CTNNA2: variants seen among roughly 807,000 people sequenced by gnomAD.
CTNNA2 encodes catenin alpha 2, also known as catenin alpha-2.
In CTNNA2, 42 loss-of-function variants were observed where a neutral mutation model predicts 101.0. The ratio of observed to expected loss-of-function variants is 0.42; its 90% CI spans 0.32 to 0.54. CTNNA2 has a LOEUF of 0.54. CTNNA2 is among the 20% of genes least tolerant of loss of function. The pLI is 0.14. For synonymous variants in CTNNA2, 450 were observed against 456.4 expected, an observed-to-expected ratio of 0.99 and a Z score of 0.18; for missense variants, 871 against 1,223.1, an observed-to-expected ratio of 0.71 and a Z score of 4.29.
chr2:79,349,295 CTTATA>C (rs1677330948), intron 3 of CTNNA2, among the ~76,000 whole-genome samples: 1 of 152,138 alleles, frequency 6.6e-6, no homozygotes, highest in African/African-American at 2.4e-5. Flanking sequence ...TTAGGTATCT[CTTATA>C]TTAAGGTTAT....
chr2:80,443,190 G>A (rs1682745389), intron 9 of CTNNA2, among the ~76,000 whole-genome samples: 1 of 152,160 alleles, frequency 6.6e-6, no homozygotes, highest in South Asian at 2.1e-4. Flanking sequence ...ACTCAGGGAA[G>A]CATCGCTTGC....
rs1234594898 is a variant in CTNNA2 at position 79,651,698 on chromosome 2, T to C, written c.102+40T>C. ...GAAACCACTTTGTTATATATGTGTT[T>C]CTATTGTGATTATATCCTGACTCTT... On this transcript the variant is annotated intron_variant, in intron 2 of 18. Transcript: ENST00000402739. 3 of 1,531,596 alleles carry C rather than the reference T, an allele frequency of 2.0e-6. No homozygotes were observed. In the South Asian group the frequency reaches 3.4e-5, roughly 17 times the overall value. The allele number at this position is 1,531,596 out of a possible 1,614,324, so 94.9% of individuals were successfully genotyped here. A position where few individuals can be genotyped will look rare whatever the true frequency, so the allele number is the denominator to read the frequency against.
chr2:79,498,459 A>G (rs545410191), intron 4 of CTNNA2, among the ~76,000 whole-genome samples: 3 of 152,306 alleles, frequency 2.0e-5, no homozygotes, highest in Non-Finnish European at 2.9e-5. Flanking sequence ...ATTAGCAAGC[A>G]TGGTCTCCAC....
intron 2 of CTNNA2, among the ~76,000 whole-genome samples, chr2:79,238,457 CAG>C (rs1438399174): frequency 6.6e-6 from 1 of 152,020 alleles, no homozygotes; most frequent in African/African-American, 2.4e-5. Flanking sequence ...CAAAATGTGA[CAG>C]AGAGATAAGA....
intron 2 of CTNNA2, among the ~76,000 whole-genome samples, chr2:79,719,372 A>G (rs12991040): frequency 0.17 from 26,428 of 152,140 alleles, 2,598 homozygotes; most frequent in Middle Eastern, 0.24. Flanking sequence ...AGTGATGAAC[A>G]TATGCATGTG....
intron 3 of CTNNA2, among the ~76,000 whole-genome samples, chr2:79,754,234 G>A (rs1247896263): frequency 3.3e-5 from 5 of 152,154 alleles, no homozygotes; most frequent in Admixed American, 3.3e-4. Context: ...AAGACAGAGA[G>A]CAAGACTGAG....
chr2:79,381,414 T>A (rs566410143), intron 4 of CTNNA2, among the ~76,000 whole-genome samples: 1 of 152,340 alleles, frequency 6.6e-6, no homozygotes, highest in South Asian at 2.1e-4. Context: ...CATACTGTAA[T>A]TTTCACAGAC....
chr2:79,424,188 G>A (rs1297061498), intron 4 of CTNNA2, among the ~76,000 whole-genome samples: 1 of 152,086 alleles, frequency 6.6e-6, no homozygotes, highest in African/African-American at 2.4e-5. Context: ...GTTCTTTCCT[G>A]CTTAGGCATG....
intron 3 of CTNNA2, among the ~76,000 whole-genome samples, chr2:79,793,868 C>CCA (rs530335591): frequency 8.9e-4 from 124 of 138,650 alleles, no homozygotes; most frequent in East Asian, 2.9e-3. Flanking sequence ...TTCCCCAATA[C>CCA]CACACACACA....
chr2:79,268,226 G>A (rs1195886994), intron 2 of CTNNA2, among the ~76,000 whole-genome samples: 2 of 152,114 alleles, frequency 1.3e-5, no homozygotes, highest in Non-Finnish European at 2.9e-5. Flanking sequence ...CAGAGGCAAA[G>A]GGGATGTAAT....
chr2:80,267,749 G>A (rs898550168), intron 7 of CTNNA2, among the ~76,000 whole-genome samples: 2 of 152,190 alleles, frequency 1.3e-5, no homozygotes, highest in Non-Finnish European at 2.9e-5. Context: ...CTAAGTGACC[G>A]GAGCCAAAGG....
At chr2:79,548,001 T>C (rs1456706174) in intron 1 of CTNNA2, 1 of 152,218 alleles carries the variant, frequency 6.6e-6, no homozygotes, top group Non-Finnish European at 1.5e-5. Flanking sequence ...GTGTTTGTCT[T>C]TTTATTTACA....
intron 3 of CTNNA2, among the ~76,000 whole-genome samples, chr2:79,334,829 T>G (rs1676958564): frequency 6.6e-6 from 1 of 152,160 alleles, no homozygotes; most frequent in African/African-American, 2.4e-5. Flanking sequence ...GCACTTTCTA[T>G]GTATCTTTAG....
chr2:79,338,390 G>T (rs535841314), intron 3 of CTNNA2, among the ~76,000 whole-genome samples: 1 of 152,168 alleles, frequency 6.6e-6, no homozygotes, highest in African/African-American at 2.4e-5. Flanking sequence ...GAGGGAGGAT[G>T]TATGTCAAGG....
intron 9 of CTNNA2, among the ~76,000 whole-genome samples, chr2:80,512,967 C>T (rs187753571): frequency 6.6e-6 from 1 of 152,146 alleles, no homozygotes; most frequent in East Asian, 1.9e-4. Flanking sequence ...CTGATTTCCT[C>T]TATGCAGAAT....
intron 3 of CTNNA2, among the ~76,000 whole-genome samples, chr2:79,830,041 A>G (rs974829699): frequency 2.0e-5 from 3 of 152,162 alleles, no homozygotes; most frequent in Non-Finnish European, 4.4e-5. Flanking sequence ...ATTCAGGACA[A>G]GTTTATTTAG....
chr2:79,276,389 G>A (rs1456598079), intron 2 of CTNNA2, among the ~76,000 whole-genome samples: 1 of 151,850 alleles, frequency 6.6e-6, no homozygotes, highest in Non-Finnish European at 1.5e-5. Flanking sequence ...AATAGCTTTT[G>A]TTTGATCTAT....
At chr2:79,520,714 T>C (rs78978872) in intron 1 of CTNNA2, among the ~76,000 whole-genome samples, 3,886 of 152,110 alleles carry the variant, frequency 0.026, 151 homozygotes, top group African/African-American at 0.088. Flanking sequence ...TATACAAATA[T>C]CTAATGAGCA....
chr2:79,783,240 C>T (rs1268295608), intron 3 of CTNNA2, among the ~76,000 whole-genome samples: 1 of 152,152 alleles, frequency 6.6e-6, no homozygotes, highest in Non-Finnish European at 1.5e-5. Context: ...GAATCAGAGT[C>T]TTAGAGAGTT....
Sources: allele counts gnomAD v4.1 joint callset (sites outside exome capture counted in the v4.1 genomes callset), GRCh38; gene constraint gnomAD v4.1.1; transcripts MANE v1.5; gene names NCBI Gene and HGNC (gene_info 2026-07-23, HGNC 2026-07-21).